The following ADAMTSL1 variants were observed in gnomAD, a reference collection of about 807,000 sequenced individuals.
ADAMTSL1 encodes ADAMTS-like protein 1.
In ADAMTSL1, 126 loss-of-function variants were observed where a neutral mutation model predicts 201.8. The ratio of observed to expected loss-of-function variants is 0.62; its 90% confidence interval spans 0.54 to 0.72. ADAMTSL1 has a LOEUF of 0.72. Ranked by LOEUF, ADAMTSL1 falls within the 30% of genes least tolerant of loss-of-function variation. The probability of loss-of-function intolerance (pLI) is 0.00; values close to 1 mark genes in which losing one functional copy is unlikely to be tolerated. For synonymous variants in ADAMTSL1, 1,121 were observed against 903.4 expected (o/e 1.24, Z -4.32); for missense variants, 2,679 against 2,277.8 (o/e 1.18, Z -3.59).
At chr9:18,200,191 C>A (rs560157755) in intron 2 of ADAMTSL1, among the ~76,000 whole-genome samples, 2 of 151,706 alleles carry the variant, frequency 1.3e-5, no homozygotes, top group East Asian at 1.9e-4. Flanking sequence ...CCCAGCATTT[C>A]GGGAGGCTGA....
At chr9:18,714,241 A>G (rs968111580) in intron 14 of ADAMTSL1, among the ~76,000 whole-genome samples, 1 of 150,998 alleles carries the variant, frequency 6.6e-6, no homozygotes, top group Non-Finnish European at 1.5e-5. Flanking sequence ...GCAAGAAATA[A>G]CTAAAATCAG....
intron 2 of ADAMTSL1, among the ~76,000 whole-genome samples, chr9:18,314,997 CG>C (rs1563880708): frequency 6.6e-6 from 1 of 150,386 alleles, no homozygotes; most frequent in African/African-American, 2.4e-5. Context: ...GGGGTTTCAC[CG>C]TGTTAGCCAG....
intron 1 of ADAMTSL1, among the ~76,000 whole-genome samples, chr9:17,937,623 AAAAT>A (rs1827067487): frequency 6.6e-6 from 1 of 151,206 alleles, no homozygotes; most frequent in African/African-American, 2.4e-5. Context: ...TTAAATTCCT[AAAAT>A]CTTGTTGATT....
intron 1 of ADAMTSL1, among the ~76,000 whole-genome samples, chr9:18,156,292 C>T (rs1827148795): frequency 2.6e-5 from 4 of 151,886 alleles, no homozygotes; most frequent in Non-Finnish European, 4.4e-5. Flanking sequence ...TCTTTATGGC[C>T]ATGAAAGGAG....
chr9:18,731,487 C>T (rs752731032), intron 15 of ADAMTSL1, among the ~76,000 whole-genome samples: 3 of 151,684 alleles, frequency 2.0e-5, no homozygotes, highest in South Asian at 2.1e-4. Flanking sequence ...AAAAATTAGC[C>T]GGCCACAGTG....
chr9:17,999,238 A>G (rs140442996), intron 1 of ADAMTSL1, among the ~76,000 whole-genome samples: 1 of 152,152 alleles, frequency 6.6e-6, no homozygotes, highest in Non-Finnish European at 1.5e-5. Context: ...GTTTTTTGCA[A>G]CTGTCTAAAA....
Position 18,560,395 on chromosome 9 carries a change from C to G in ADAMTSL1, c.238-13635C>G, listed in dbSNP as rs1194957246. On this transcript the variant is annotated intron_variant, in intron 3 of 28. Transcript: ENST00000380548. ...GGTGGATAAGCTTTTTGATGTGCTA[C>G]TGGATTCAGTTTGCCAGTATTTTGT... 1.3e-5 allele frequency among the ~76,000 whole-genome samples: 2 copies of G among 152,164 alleles called. 1 individual carries two copies. Among genetic ancestry groups the G allele is most frequent in the South Asian group, 4.1e-4 (2 of 4,828 alleles).
At chr9:18,870,992 T>C (rs1297822080) in intron 23 of ADAMTSL1, among the ~76,000 whole-genome samples, 3 of 152,340 alleles carry the variant, frequency 2.0e-5, no homozygotes, top group South Asian at 2.1e-4. Flanking sequence ...CTTTATCTTC[T>C]TAATAACCCA....
At chr9:18,028,957 T>A (rs1820815644) in intron 1 of ADAMTSL1, among the ~76,000 whole-genome samples, 1 of 152,212 alleles carries the variant, frequency 6.6e-6, no homozygotes, top group Non-Finnish European at 1.5e-5. Flanking sequence ...TTTGTAGTTC[T>A]CCTTGAAGAG....
intron 13 of ADAMTSL1, among the ~76,000 whole-genome samples, chr9:18,701,738 AT>A (rs1417950062): frequency 4.6e-5 from 7 of 152,180 alleles, no homozygotes; most frequent in Non-Finnish European, 7.3e-5. Flanking sequence ...TTCAATTTGC[AT>A]TTTTAAATTA....
chr9:18,123,559 C>G (rs1825598031), intron 1 of ADAMTSL1, among the ~76,000 whole-genome samples: 1 of 152,132 alleles, frequency 6.6e-6, no homozygotes, highest in Non-Finnish European at 1.5e-5. Flanking sequence ...ACATAGATCA[C>G]CTTTCCTTCA....
chr9:18,209,245 G>T (rs369068968), intron 2 of ADAMTSL1, among the ~76,000 whole-genome samples: 1 of 150,428 alleles, frequency 6.6e-6, no homozygotes, highest in Non-Finnish European at 1.5e-5. Context: ...TAAAAATTAC[G>T]TCAGACTTGT....
chr9:18,651,981 A>G (rs998201212), intron 7 of ADAMTSL1, among the ~76,000 whole-genome samples: 1 of 152,032 alleles, frequency 6.6e-6, no homozygotes, highest in Non-Finnish European at 1.5e-5. Flanking sequence ...CCTATATAGT[A>G]TCTTCCCTCT....
At chr9:18,170,895 C>G (rs895501838) in intron 2 of ADAMTSL1, among the ~76,000 whole-genome samples, 2 of 152,022 alleles carry the variant, frequency 1.3e-5, no homozygotes, top group Non-Finnish European at 2.9e-5. Flanking sequence ...GTTTATATTT[C>G]ATTGTACCAG....
At chr9:18,390,125 T>A (rs1193343471) in intron 2 of ADAMTSL1, among the ~76,000 whole-genome samples, 1 of 152,166 alleles carries the variant, frequency 6.6e-6, no homozygotes, top group Non-Finnish European at 1.5e-5. Flanking sequence ...ATTGTATATA[T>A]TTATTAGAAG....
chr9:18,152,424 G>T (rs895221366), intron 1 of ADAMTSL1, among the ~76,000 whole-genome samples: 11 of 151,972 alleles, frequency 7.2e-5, no homozygotes, highest in Admixed American at 2.6e-4. Flanking sequence ...GCATGGATTT[G>T]GGAATCATCT....
chr9:18,682,903 TTCC>T (rs1447488231), intron 12 of ADAMTSL1, among the ~76,000 whole-genome samples: 1 of 152,194 alleles, frequency 6.6e-6, no homozygotes, highest in African/African-American at 2.4e-5. Context: ...AAGCCTTGGT[TTCC>T]TCCTCTGTAA....
chr9:18,234,738 G>T (rs1393067444), intron 2 of ADAMTSL1, among the ~76,000 whole-genome samples: 1 of 152,042 alleles, frequency 6.6e-6, no homozygotes, highest in African/African-American at 2.4e-5. Context: ...ATATTCATTT[G>T]GTACAGTAAA....
intron 1 of ADAMTSL1, among the ~76,000 whole-genome samples, chr9:18,149,594 C>G (rs755604415): frequency 6.6e-6 from 1 of 151,990 alleles, no homozygotes; most frequent in African/African-American, 2.4e-5. Context: ...TGAGTGAGAA[C>G]TGATAATATA....
Sources: gnomAD v4.1 joint callset for allele counts (sites outside exome capture counted in the v4.1 genomes callset) on GRCh38, gnomAD v4.1.1 for gene constraint, MANE v1.5 for transcripts, NCBI Gene and HGNC (gene_info 2026-07-23, HGNC 2026-07-21) for gene names.